Variants in RNF217 observed in about 807,000 individuals in gnomAD.
The protein encoded by RNF217 is E3 ubiquitin-protein ligase RNF217.
Under a neutral mutation model 57.8 loss-of-function variants are expected in RNF217, and 31 were observed. That is an observed-to-expected ratio of 0.54 (90% CI 0.40 to 0.72). RNF217 has a LOEUF of 0.72. RNF217 is among the 30% of genes least tolerant of loss of function. The pLI is 0.00. For synonymous variants in RNF217, 313 were observed against 294.0 expected (o/e 1.06, Z -0.66); for missense variants, 696 against 708.3 (o/e 0.98, Z 0.20).
chr6:125,013,584 T>G (rs991281433), intron 1 of RNF217, among the ~76,000 whole-genome samples: 10 of 151,928 alleles, frequency 6.6e-5, no homozygotes, highest in African/African-American at 2.4e-4. Flanking sequence ...GCTTTGGCTG[T>G]TTTCTTTTAG....
chr6:125,005,761 A>G (rs1253907624), intron 1 of RNF217, among the ~76,000 whole-genome samples: 2 of 152,210 alleles, frequency 1.3e-5, no homozygotes, highest in African/African-American at 4.8e-5. Context: ...ACTGTATGCA[A>G]TAGAAAGCTT....
At chr6:125,005,787 TTTAA>T (rs1161419065) in intron 1 of RNF217, among the ~76,000 whole-genome samples, 11 of 152,176 alleles carry the variant, frequency 7.2e-5, no homozygotes, top group African/African-American at 2.2e-4. Context: ...TATAGACTTG[TTTAA>T]TTAAATATGG....
intron 2 of RNF217, among the ~76,000 whole-genome samples, chr6:125,050,058 G>A (rs896357370): frequency 1.3e-5 from 2 of 151,808 alleles, no homozygotes; most frequent in African/African-American, 4.8e-5. Flanking sequence ...AGGTAGAGGA[G>A]GTGATAGCAG....
At chr6:124,967,532 A>G (rs1265980214) in intron 1 of RNF217, among the ~76,000 whole-genome samples, 1 of 152,208 alleles carries the variant, frequency 6.6e-6, no homozygotes, top group Non-Finnish European at 1.5e-5. Flanking sequence ...CACTCTGCCT[A>G]AAAGTGCTAG....
At chr6:124,963,509 C>G in intron 1 of RNF217, 83 bp downstream of exon 1, 6 of 1,407,512 alleles carry the variant, frequency 4.3e-6, no homozygotes, top group Non-Finnish European at 5.6e-6. Flanking sequence ...TCTCCCTGCT[C>G]GCGCGAAGAG....
intron 3 of RNF217, among the ~76,000 whole-genome samples, chr6:125,073,472 C>T (rs1788228964): frequency 6.6e-6 from 1 of 152,166 alleles, no homozygotes; most frequent in South Asian, 2.1e-4. Context: ...TCAAATTAAA[C>T]AATCTACAGG....
chr6:125,028,705 T>A (rs929212169), intron 1 of RNF217, among the ~76,000 whole-genome samples: 1 of 152,104 alleles, frequency 6.6e-6, no homozygotes, highest in Admixed American at 6.5e-5. Context: ...ATTATTCTCT[T>A]TTTACACTTG....
chr6:125,028,671 A>G (rs1429096291), intron 1 of RNF217, among the ~76,000 whole-genome samples: 1 of 152,166 alleles, frequency 6.6e-6, no homozygotes, highest in Non-Finnish European at 1.5e-5. Context: ...AAATTGCACT[A>G]TATGAAAATG....
Position 125,038,986 on chromosome 6 carries a change from C to T in RNF217, c.883-6225C>T, listed in dbSNP as rs534302414. ...CTGTTTCTCCTAATGCTCTCCCTCC[C>T]TCCACCCCATCCCCTGACAAGCCAC... On this transcript the variant is annotated intron_variant, in intron 1 of 5. Transcript: ENST00000521654. Among the ~76,000 whole-genome samples the T allele has an allele frequency of 2.0e-5, 3 of 152,176 alleles. No individual in the cohort carries two copies. In the South Asian group the frequency reaches 6.2e-4, roughly 32 times the overall value.
Position 125,085,018 on chromosome 6 carries a change from G to A in RNF217, c.*2081G>A, listed in dbSNP as rs1010963513. On this transcript the variant is annotated 3_prime_UTR_variant, in exon 6 of 6. Coordinates refer to ENST00000521654, the MANE Select transcript of RNF217 (RefSeq NM_001286398.3). ...CCTAGCTGATCTGTATATGTATGATGTATATATGTCATATGTATGATATAT... is the reference window on the plus strand; with the variant it reads ...CCTAGCTGATCTGTATATGTATGATATATATATGTCATATGTATGATATAT... 4 of 151,820 alleles carry A rather than the reference G, an allele frequency of 2.6e-5. No homozygotes were observed. Among genetic ancestry groups the A allele is most frequent in the Admixed American group, 2.6e-4 (4 of 15,214 alleles). 9.4% of individuals were successfully genotyped at this position (151,820 alleles called of 1,614,324 possible).
intron 1 of RNF217, among the ~76,000 whole-genome samples, chr6:124,993,685 C>T (rs1441170389): frequency 1.3e-5 from 2 of 152,014 alleles, no homozygotes; most frequent in Admixed American, 6.6e-5. Flanking sequence ...AGGTGCTGGG[C>T]GGCACATAGG....
intron 1 of RNF217, among the ~76,000 whole-genome samples, chr6:125,021,886 T>TC (rs973696706): frequency 2.6e-5 from 4 of 151,824 alleles, no homozygotes; most frequent in African/African-American, 9.7e-5. Context: ...TCCCATGCCT[T>TC]CCCCCCTTTT....
At chr6:125,035,940 G>C (rs1376748957) in intron 1 of RNF217, among the ~76,000 whole-genome samples, 1 of 151,312 alleles carries the variant, frequency 6.6e-6, no homozygotes, top group East Asian at 1.9e-4. Flanking sequence ...TTAAGTTCTG[G>C]GATACATGTG....
At chr6:125,077,783 A>G (rs1486426361) in intron 4 of RNF217, among the ~76,000 whole-genome samples, 1 of 152,034 alleles carries the variant, frequency 6.6e-6, no homozygotes, top group East Asian at 1.9e-4. Flanking sequence ...ATCATCTTCC[A>G]CATTTCCGTT....
chr6:125,018,408 T>C (rs1290879035), intron 1 of RNF217, among the ~76,000 whole-genome samples: 1 of 152,190 alleles, frequency 6.6e-6, no homozygotes, highest in Non-Finnish European at 1.5e-5. Flanking sequence ...CTCATTTTAT[T>C]TAAGGGACAG....
chr6:124,966,832 A>G (rs1023244930), intron 1 of RNF217, among the ~76,000 whole-genome samples: 4 of 152,254 alleles, frequency 2.6e-5, no homozygotes, highest in Non-Finnish European at 5.9e-5. Flanking sequence ...GGTAGGTGTC[A>G]TCAATATTTC....
chr6:124,990,452 A>G (rs1760949769), intron 1 of RNF217, among the ~76,000 whole-genome samples: 1 of 152,210 alleles, frequency 6.6e-6, no homozygotes, highest in African/African-American at 2.4e-5. Context: ...TTGACATCTC[A>G]AAAACTCAGT....
At chr6:125,017,819 C>A (rs1361973867) in intron 1 of RNF217, among the ~76,000 whole-genome samples, 2 of 152,036 alleles carry the variant, frequency 1.3e-5, no homozygotes, top group Non-Finnish European at 2.9e-5. Context: ...TATTCTGATA[C>A]AAGCATAGCA....
At position 125,092,548 on chromosome 6, in the gene RNF217, G is replaced by A. The variant is rs1788989390; in HGVS notation, c.*9611G>A. 6.6e-6 allele frequency: 1 copy of A among 152,212 alleles called. No individual in the cohort carries two copies. Among genetic ancestry groups the A allele is most frequent in the Non-Finnish European group, 1.5e-5 (1 of 68,046 alleles). 9.4% of individuals were successfully genotyped at this position (152,212 alleles called of 1,614,324 possible). A position where few individuals can be genotyped will look rare whatever the true frequency, so the allele number is the denominator to read the frequency against. On this transcript the variant is annotated 3_prime_UTR_variant, in exon 6 of 6. Transcript: ENST00000521654. Reference sequence around the variant, plus strand: ...TGTACGAGCTATTGTATGGATTACTGTGGAGTGCTGTTTACCACATGATGT... The same window carrying A: ...TGTACGAGCTATTGTATGGATTACTATGGAGTGCTGTTTACCACATGATGT...
Sources: allele counts gnomAD v4.1 joint callset (sites outside exome capture counted in the v4.1 genomes callset), GRCh38; gene constraint gnomAD v4.1.1; transcripts MANE v1.5; gene names NCBI Gene and HGNC (gene_info 2026-07-23, HGNC 2026-07-21).